Variants in MTHFD1 observed in about 807,000 individuals in gnomAD.
The protein encoded by MTHFD1 is methylenetetrahydrofolate dehydrogenase, cyclohydrolase and formyltetrahydrofolate synthetase 1.
A neutral mutation model predicts 110.3 loss-of-function variants in MTHFD1; 44 were observed. The ratio of observed to expected loss-of-function variants is 0.40; its 90% CI spans 0.31 to 0.51. MTHFD1 has a LOEUF of 0.51. Among genes scored for constraint, MTHFD1 ranks in the 20% least tolerant of loss-of-function variants. The pLI is 0.60. For synonymous variants in MTHFD1, 402 were observed against 428.8 expected, an observed-to-expected ratio of 0.94 and a Z score of 0.77; for missense variants, 909 against 1,173.1, an observed-to-expected ratio of 0.77 and a Z score of 3.29.
intron 12 of MTHFD1, 21 bp from the exon 13 acceptor site, chr14:64,430,163 C>T (rs1378884584): frequency 6.2e-7 from 1 of 1,613,026 alleles, no homozygotes; most frequent in South Asian, 1.1e-5. Flanking sequence ...ACTGAGCTTC[C>T]ACCCTTGACC....
rs576071631 is a variant in MTHFD1 at position 64,414,367 on chromosome 14, C to T, written c.241-991C>T. On this transcript the variant is annotated intron_variant, in intron 4 of 27. Coordinates refer to ENST00000652337, the MANE Select transcript of MTHFD1 (RefSeq NM_005956.4). ...GATGCAGTGGCATGATCTCAGCTCA[C>T]TGCAGCCTCCGCTTCCTGGGTTCAA... Among the ~76,000 whole-genome samples the T allele has an allele frequency of 9.6e-5, 14 of 146,408 alleles. No individual in the cohort carries two copies. In the South Asian group the frequency reaches 1.3e-3, roughly 14 times the overall value.
intron 2 of MTHFD1, among the ~76,000 whole-genome samples, chr14:64,402,879 A>G (rs2077909373): frequency 6.6e-6 from 1 of 152,210 alleles, no homozygotes; most frequent in Admixed American, 6.5e-5. Context: ...ACTTCTGTAT[A>G]TAGCAGAAGT....
chr14:64,444,543 T>C (rs1009228227), intron 21 of MTHFD1, 150 bp from the exon 22 acceptor site: 2 of 835,268 alleles, frequency 2.4e-6, no homozygotes, highest in Non-Finnish European at 3.9e-6. Context: ...ATTGGTCACA[T>C]ACCCTAAGTC....
In MTHFD1 at chr14:64,400,823, C is replaced by T. The variant is rs935349624; in HGVS notation, c.72C>T (p.Val24=). 6.2e-7 allele frequency: 1 copy of T among 1,613,768 alleles called. No individual in the cohort carries two copies. The highest frequency in any genetic ancestry group is 8.5e-7 in the Non-Finnish European group (1 of 1,179,830). The change falls in exon 2 of 28, where the codon GTC becomes GTT. Residue 24 remains valine (V), a synonymous_variant. Coordinates refer to ENST00000652337, the MANE Select transcript of MTHFD1 (RefSeq NM_005956.4). ...TAAGGGCGAGACTGAAAAATCAAGTCACTCAGTTGAAGGAGCAAGTACCTG... is the reference window on the plus strand; with the variant it reads ...TAAGGGCGAGACTGAAAAATCAAGTTACTCAGTTGAAGGAGCAAGTACCTG... ...AQIRARLKNQ[V]TQLKEQVPGF...
chr14:64,418,749 T>C (rs1386223043), intron 7 of MTHFD1, among the ~76,000 whole-genome samples: 1 of 145,970 alleles, frequency 6.9e-6, no homozygotes, highest in Non-Finnish European at 1.5e-5. Flanking sequence ...AGAGACAAGG[T>C]TTCTCCATGT....
intron 7 of MTHFD1, among the ~76,000 whole-genome samples, chr14:64,418,793 T>A (rs1261749772): frequency 1.3e-5 from 2 of 152,048 alleles, no homozygotes; most frequent in Non-Finnish European, 2.9e-5. Flanking sequence ...TGACCTCAGG[T>A]GATCCACCTG....
chr14:64,434,344 A>C (rs1469807326), intron 15 of MTHFD1, among the ~76,000 whole-genome samples: 2 of 152,176 alleles, frequency 1.3e-5, no homozygotes, highest in Non-Finnish European at 2.9e-5. Context: ...TGAGCCCAGC[A>C]GTTCGAGACC....
At position 64,409,391 on chromosome 14, in the gene MTHFD1, G is replaced by A. The variant is rs375876157; in HGVS notation, c.127-1699G>A. On this transcript the variant is annotated intron_variant, in intron 2 of 27. Coordinates refer to ENST00000652337, the MANE Select transcript of MTHFD1 (RefSeq NM_005956.4). ...TGAAGATAAATTCTAGAACAGAGAA[G>A]TTGTGGCTTCCTTACTGGCAGCAAG... Among the ~76,000 whole-genome samples, 4 of 152,234 alleles carry A rather than the reference G, an allele frequency of 2.6e-5. No homozygotes were observed. In the East Asian group the frequency reaches 7.7e-4, roughly 29 times the overall value.
chr14:64,394,291 C>G (rs191645021), intron 1 of MTHFD1, among the ~76,000 whole-genome samples: 1 of 151,990 alleles, frequency 6.6e-6, no homozygotes, highest in Non-Finnish European at 1.5e-5. Flanking sequence ...GGCAGAGGCT[C>G]GATGGTGCAT....
chr14:64,425,910 C>T, intron 10 of MTHFD1, 83 bp downstream of exon 10: 3 of 1,567,834 alleles, frequency 1.9e-6, no homozygotes, highest in Non-Finnish European at 2.6e-6. Flanking sequence ...CATATGCTCC[C>T]TCTGAAGGTG....
chr14:64,455,317 ATTATTT>A, intron 26 of MTHFD1: 1 of 168,604 alleles, frequency 5.9e-6, no homozygotes, highest in Non-Finnish European at 1.3e-5. Flanking sequence ...CAGGGGGTTC[ATTATTT>A]TTAAGTAAGG....
At chr14:64,407,122 C>T (rs2077941780) in intron 2 of MTHFD1, among the ~76,000 whole-genome samples, 2 of 152,006 alleles carry the variant, frequency 1.3e-5, no homozygotes, top group South Asian at 4.2e-4. Flanking sequence ...GAGTAACTTC[C>T]CAAATAACTG....
intron 18 of MTHFD1, chr14:64,440,521 A>G (rs529583816): frequency 3.9e-6 from 2 of 518,272 alleles, no homozygotes; most frequent in Non-Finnish European, 7.2e-6. Flanking sequence ...TCCTGTGGGC[A>G]TCTCTAAAAG....
At chr14:64,429,711 G>A (rs1441797800) in intron 12 of MTHFD1, among the ~76,000 whole-genome samples, 1 of 151,958 alleles carries the variant, frequency 6.6e-6, no homozygotes, top group African/African-American at 2.4e-5. Flanking sequence ...TTTAAATAAG[G>A]GATACTCAAC....
At chr14:64,415,188 T>A (rs1287689856) in intron 4 of MTHFD1, among the ~76,000 whole-genome samples, 170 bp from the exon 5 acceptor site, 2 of 152,166 alleles carry the variant, frequency 1.3e-5, no homozygotes, top group Non-Finnish European at 2.9e-5. Flanking sequence ...GGATGCATTC[T>A]ATGTTAAAGT....
rs567021066 is a variant in MTHFD1 at position 64,397,765 on chromosome 14, G to GC, written c.42-3026dup. ...ATTTTAATCATGTAAATTTCATGCT[G>GC]CCTCCTTTGCCTACCATATAGCTTC... On this transcript the variant is annotated intron_variant, in intron 1 of 27. Transcript: ENST00000652337. 1.1e-3 allele frequency among the ~76,000 whole-genome samples: 173 copies of GC among 152,216 alleles called. No individual in the cohort carries two copies. The Middle Eastern group carries it at 0.02, about 18-fold the overall frequency.
At chr14:64,406,043 TA>T (rs995679736) in intron 2 of MTHFD1, among the ~76,000 whole-genome samples, 13 of 130,714 alleles carry the variant, frequency 9.9e-5, no homozygotes, top group African/African-American at 3.2e-4. Context: ...TTATTATTAT[TA>T]TTATTTTTTT....
chr14:64,411,595 AT>A (rs1183331303), intron 3 of MTHFD1, among the ~76,000 whole-genome samples: 3 of 152,132 alleles, frequency 2.0e-5, no homozygotes, highest in Admixed American at 2.0e-4. Context: ...GTGAATCTGC[AT>A]TTTTTACATA....
At chr14:64,426,626 A>G (rs1460161303) in intron 11 of MTHFD1, among the ~76,000 whole-genome samples, 1 of 152,192 alleles carries the variant, frequency 6.6e-6, no homozygotes, top group Non-Finnish European at 1.5e-5. Flanking sequence ...GCAAGGCACC[A>G]CACCCAGCTA....
Sources: gnomAD v4.1 joint callset for allele counts (sites outside exome capture counted in the v4.1 genomes callset) on GRCh38, gnomAD v4.1.1 for gene constraint, MANE v1.5 for transcripts, NCBI Gene and HGNC (gene_info 2026-07-23, HGNC 2026-07-21) for gene names.